The following PRDM15 variants were observed in gnomAD, a reference collection of about 807,000 sequenced individuals.
PRDM15 encodes PR domain zinc finger protein 15.
In PRDM15, 64 loss-of-function variants were observed where a neutral mutation model predicts 128.6. That is an observed-to-expected ratio of 0.50 (90% CI 0.41 to 0.61). The LOEUF (loss-of-function observed/expected upper bound fraction) is 0.61, where lower values mean the gene tolerates loss of function less well. Among genes scored for constraint, PRDM15 ranks in the 20% least tolerant of loss-of-function variants. The pLI, the probability that PRDM15 is intolerant of heterozygous loss-of-function variation, is 0.00. For synonymous variants in PRDM15, 615 were observed against 621.8 expected (o/e 0.99, Z 0.16); for missense variants, 1,242 against 1,569.1 (o/e 0.79, Z 3.52).
chr21:41,834,296 C>G (rs2062793927), intron 11 of PRDM15, among the ~76,000 whole-genome samples: 1 of 152,146 alleles, frequency 6.6e-6, no homozygotes, highest in African/African-American at 2.4e-5. Flanking sequence ...CCACCAAGGG[C>G]CCCCCGCGCC....
At chr21:41,807,384 T>C (rs928058328) in intron 21 of PRDM15, among the ~76,000 whole-genome samples, 1 of 152,162 alleles carries the variant, frequency 6.6e-6, no homozygotes, top group African/African-American at 2.4e-5. Context: ...CTAGTTAAAT[T>C]AGTGTGACTC....
intron 11 of PRDM15, chr21:41,834,673 T>C (rs13052645): frequency 0.84 from 695,087 of 826,100 alleles, 293,802 homozygotes; most frequent in African/African-American, 0.87. Flanking sequence ...ATGGGGAAGG[T>C]GTGACTCCCA....
At chr21:41,834,961 A>C (rs1186831172) in intron 11 of PRDM15, among the ~76,000 whole-genome samples, 1 of 152,182 alleles carries the variant, frequency 6.6e-6, no homozygotes, top group African/African-American at 2.4e-5. Context: ...GAACAAAAAG[A>C]ATGCGTGCAG....
intron 13 of PRDM15, among the ~76,000 whole-genome samples, chr21:41,825,661 T>TCC (rs2062443226): frequency 6.6e-6 from 1 of 152,180 alleles, no homozygotes; most frequent in African/African-American, 2.4e-5. Context: ...AACGATGCTA[T>TCC]ACAGGAGAGT....
intron 1 of PRDM15, among the ~76,000 whole-genome samples, chr21:41,876,603 G>A (rs2064426114): frequency 6.6e-6 from 1 of 152,068 alleles, no homozygotes; most frequent in South Asian, 2.1e-4. Flanking sequence ...ATGACTGCAA[G>A]AGGAGGGACC....
rs539970002 is a variant in PRDM15 at position 41,839,692 on chromosome 21, T to A, written c.802A>T (p.Arg268Trp). 6.2e-7 allele frequency: 1 copy of A among 1,614,260 alleles called. No individual in the cohort carries two copies. Among genetic ancestry groups the A allele is most frequent in the African/African-American group, 1.3e-5 (1 of 75,072 alleles). The part of the protein sequence containing the change: ...ATKEQKKKPR[R>W]GRKPKVSKAE... ...TTGGACACTTTGGGTTTTCTCCCCC[T>A]TCGAGGCTTTTTCTTCTGTTCTTTG... is the stretch of plus-strand genomic sequence containing the variant. Residue 268 changes from arginine to tryptophan, a missense_variant, in exon 7 of 24, where the codon AGG becomes TGG. Coordinates refer to ENST00000398548, the MANE Select transcript of PRDM15 (RefSeq NM_001040424.3).
At position 41,861,731 on chromosome 21, in the gene PRDM15, A is replaced by C. The variant is rs767012435; in HGVS notation, c.-9-1359T>G. 9.3e-6 allele frequency: 15 copies of C among 1,613,858 alleles called. No individual in the cohort carries two copies. The Middle Eastern group carries it at 1.2e-3, about 124-fold the overall frequency. On this transcript the variant is annotated intron_variant, in intron 1 of 23. Transcript: ENST00000398548. Reference sequence around the variant, plus strand: ...CCGTGCAAAACTCATATGGAAACTCACAGTCACTGAACTTGTGTGTCTGAG... The same window carrying C: ...CCGTGCAAAACTCATATGGAAACTCCCAGTCACTGAACTTGTGTGTCTGAG...
rs9983923 is a variant in PRDM15 at position 41,800,951 on chromosome 21, G to A, written c.*289C>T. The A allele has an allele frequency of 0.073, 26,577 of 364,728 alleles. 1,273 individuals are homozygous for A. The highest frequency in any genetic ancestry group is 0.13 in the Middle Eastern group (186 of 1,402). 22.6% of individuals were successfully genotyped at this position (364,728 alleles called of 1,614,324 possible). ...CGAACCCTGTGTCGGGCGAACACTG[G>A]TTCTGTAAGGGGAGGCAGATGCGGC... On this transcript the variant is annotated 3_prime_UTR_variant, in exon 24 of 24. Transcript: ENST00000398548.
chr21:41,821,706 G>C lies in PRDM15; in HGVS notation c.1896+197C>G, dbSNP rs2062274056. ...CACACAGACCGTCCCTGAGCACCAA[G>C]GTGACACAGGCTGGCCTTCCCAGGC... is the stretch of plus-strand genomic sequence containing the variant. On this transcript the variant is annotated intron_variant, in intron 15 of 23. Coordinates refer to ENST00000398548, the MANE Select transcript of PRDM15 (RefSeq NM_001040424.3). This position sits in a 1 kb window ranked among gnomAD's most constrained non-coding sequence, Gnocchi z 5.4. Among the ~76,000 whole-genome samples, 1 of 152,260 alleles carries C rather than the reference G, an allele frequency of 6.6e-6. No homozygotes were observed.
intron 14 of PRDM15, among the ~76,000 whole-genome samples, chr21:41,822,586 A>C (rs557202159): frequency 2.6e-5 from 4 of 152,356 alleles, no homozygotes; most frequent in African/African-American, 9.6e-5. Context: ...TGGAGAGATA[A>C]AATGCGACCA....
chr21:41,839,967 G>A (rs1177556735), intron 6 of PRDM15, 114 bp from the exon 7 acceptor site: 6 of 774,074 alleles, frequency 7.8e-6, no homozygotes, highest in Non-Finnish European at 1.3e-5. Context: ...GCCAACCTTT[G>A]TATAGGCAAG....
At position 41,820,174 on chromosome 21, in the gene PRDM15, C is replaced by T. The variant is rs1177060051; in HGVS notation, c.2061G>A (p.Lys687=). Residue 687 remains lysine, a splice_region_variant and synonymous_variant, in exon 17 of 24, where the codon AAG becomes AAA. Transcript: ENST00000398548. ...RENLPDPNVQ[K]YIHPCEICGR... ...CGCAGATCTCGCAGGGGTGGATGTA[C>T]CTGAAACCAGAGACAAGCTCAGGAT... 6.2e-7 allele frequency: 1 copy of T among 1,613,390 alleles called. No individual in the cohort carries two copies. Among genetic ancestry groups the T allele is most frequent in the Admixed American group, 1.7e-5 (1 of 59,980 alleles).
rs1210433387 is a variant in PRDM15, at chr21:41,876,920, A to G, written c.-10+2350T>C. 2.0e-5 allele frequency among the ~76,000 whole-genome samples: 3 copies of G among 152,118 alleles called. No homozygotes were observed. The East Asian group carries it at 5.8e-4, about 29-fold the overall frequency. ...CAGCTCCATTCCCCACACACAGCCA[A>G]AAGATGCAGACTCTGCCCCGCCACT... On this transcript the variant is annotated intron_variant, in intron 1 of 23. Coordinates refer to ENST00000398548, the MANE Select transcript of PRDM15 (RefSeq NM_001040424.3).
intron 21 of PRDM15, among the ~76,000 whole-genome samples, chr21:41,807,413 T>C (rs2061714845): frequency 6.6e-6 from 1 of 152,150 alleles, no homozygotes; most frequent in Non-Finnish European, 1.5e-5. Flanking sequence ...ACCTTCTTCC[T>C]CCTGAATCTG....
chr21:41,804,578 G>T lies in PRDM15; in HGVS notation c.2689C>A (p.Pro897Thr). ...GAGGCGTCGATGGTGGTGGTCTCCG[G>T]GAGGTGGTCCAGGTCATCGATCCTC... ...AVRIDDLDHLPETTTIDASSI... is the reference protein window; with the variant it reads ...AVRIDDLDHLTETTTIDASSI... Residue 897 changes from proline to threonine, a missense_variant, in exon 22 of 24, where the codon CCG becomes ACG. Pro to Thr is a conservative substitution (Grantham distance 38). Transcript: ENST00000398548. The T allele has an allele frequency of 6.4e-7, 1 of 1,571,996 alleles. No homozygotes were observed.
At chr21:41,809,527 G>A (rs1229560151) in intron 21 of PRDM15, among the ~76,000 whole-genome samples, 1 of 152,082 alleles carries the variant, frequency 6.6e-6, no homozygotes, top group Non-Finnish European at 1.5e-5. Context: ...CACCGTGCCC[G>A]GCCCAGATTT....
chr21:41,801,020 C>T lies in PRDM15; in HGVS notation c.*220G>A. On this transcript the variant is annotated 3_prime_UTR_variant, in exon 24 of 24. Transcript: ENST00000398548. ...GCCTTGGTAAGGCATGGTGTGGAGC[C>T]CCATCCAGTTTAAAACTCTGGCCTG... is the stretch of plus-strand genomic sequence containing the variant. 1 of 547,728 alleles carries T rather than the reference C, an allele frequency of 1.8e-6. No individual in the cohort carries two copies. Among genetic ancestry groups the T allele is most frequent in the South Asian group, 3.7e-5 (1 of 26,938 alleles). 33.9% of individuals were successfully genotyped at this position (547,728 alleles called of 1,614,324 possible).
intron 21 of PRDM15, among the ~76,000 whole-genome samples, chr21:41,807,490 C>T (rs556716327): frequency 2.6e-5 from 4 of 152,190 alleles, no homozygotes; most frequent in African/African-American, 4.8e-5. Context: ...GGCCTCACTG[C>T]GGTACACACA....
chr21:41,823,131 A>G, intron 14 of PRDM15, 187 bp downstream of exon 14: 1 of 740,160 alleles, frequency 1.4e-6, no homozygotes, highest in Non-Finnish European at 2.3e-6. Context: ...TCTACGAACC[A>G]GGAAGTGAGC....
Sources: allele counts gnomAD v4.1 joint callset (sites outside exome capture counted in the v4.1 genomes callset), GRCh38; gene constraint gnomAD v4.1.1; non-coding constraint Gnocchi (gnomAD v3.1); transcripts MANE v1.5; gene names NCBI Gene and HGNC (gene_info 2026-07-23, HGNC 2026-07-21).